SLC9A4: variants seen among roughly 807,000 people sequenced by gnomAD.
SLC9A4 encodes the protein sodium/hydrogen exchanger 4.
In SLC9A4, 63 loss-of-function variants were observed where a neutral mutation model predicts 67.4. The ratio of observed to expected loss-of-function variants is 0.93; its 90% CI spans 0.76 to 1.15. SLC9A4 has a LOEUF of 1.15. SLC9A4 is among the 50% of genes most tolerant of loss of function. The probability of loss-of-function intolerance (pLI) is 0.00; values close to 1 mark genes in which losing one functional copy is unlikely to be tolerated. For missense variants in SLC9A4, 1,089 were observed against 987.7 expected, an observed-to-expected ratio of 1.10 and a Z score of -1.38; for synonymous variants, 393 against 367.2, an observed-to-expected ratio of 1.07 and a Z score of -0.80.
chr2:102,496,938 A>G (rs967859043), intron 2 of SLC9A4, among the ~76,000 whole-genome samples: 1 of 152,048 alleles, frequency 6.6e-6, no homozygotes, highest in Non-Finnish European at 1.5e-5. Context: ...TTTTTAATCT[A>G]TTTTTGAGAG....
intron 8 of SLC9A4, among the ~76,000 whole-genome samples, chr2:102,516,243 T>C (rs1376511198): frequency 6.6e-6 from 1 of 152,214 alleles, no homozygotes; most frequent in South Asian, 2.1e-4. Context: ...TGAGACAGCC[T>C]TATAGGTACG....
chr2:102,507,007 G>A (rs1325166311), intron 4 of SLC9A4, among the ~76,000 whole-genome samples: 1 of 152,060 alleles, frequency 6.6e-6, no homozygotes, highest in African/African-American at 2.4e-5. Context: ...TCACACTCGC[G>A]AAGGCTTGCT....
intron 10 of SLC9A4, 26 bp from the exon 11 acceptor site, chr2:102,526,233 T>C: frequency 6.2e-7 from 1 of 1,608,862 alleles, no homozygotes; most frequent in Non-Finnish European, 8.5e-7. Flanking sequence ...CTTATTCTGC[T>C]TTTTCTTTCT....
In SLC9A4 at chr2:102,514,266, T is replaced by C. The variant is rs1558670065; in HGVS notation, c.1721+15T>C. On this transcript the variant is annotated intron_variant, in intron 8 of 11. Transcript: ENST00000295269. ...ATACCCCATCAGTGAGTCATATCTGTTCTTTGTTCTAAACTTTCACTGTCA... is the reference window on the plus strand; with the variant it reads ...ATACCCCATCAGTGAGTCATATCTGCTCTTTGTTCTAAACTTTCACTGTCA... 3.2e-6 allele frequency: 5 copies of C among 1,579,918 alleles called. No individual in the cohort carries two copies. In the African/African-American group the frequency reaches 5.4e-5, roughly 17 times the overall value.
chr2:102,482,041 A>G (rs1301717593), intron 2 of SLC9A4, among the ~76,000 whole-genome samples: 1 of 152,182 alleles, frequency 6.6e-6, no homozygotes, highest in African/African-American at 2.4e-5. Context: ...CATAGCGAGA[A>G]TCCCTAACTT....
At position 102,532,521 on chromosome 2, in the gene SLC9A4, G is replaced by T; in HGVS notation, c.2230G>T (p.Ala744Ser). ...GTACTTGGGTGGAGTAAGGAGGGTG[G>T]CCTTAAGACCCAAACCTCTGTTTCA... ...EEYLGGVRRVALRPKPLFHAV... is the reference protein window; with the variant it reads ...EEYLGGVRRVSLRPKPLFHAV... Residue 744 changes from alanine to serine, a missense_variant, in exon 12 of 12, where the codon GCC (alanine) becomes TCC (serine). Ala to Ser is a moderately conservative substitution (Grantham distance 99). Transcript: ENST00000295269. The T allele has an allele frequency of 6.2e-7, 1 of 1,614,114 alleles. No homozygotes were observed. Among genetic ancestry groups the T allele is most frequent in the Non-Finnish European group, 8.5e-7 (1 of 1,179,988 alleles).
At chr2:102,513,233 G>A (rs11676371) in intron 7 of SLC9A4, among the ~76,000 whole-genome samples, 2 of 151,968 alleles carry the variant, frequency 1.3e-5, no homozygotes, top group South Asian at 2.1e-4. Context: ...GAGCCGAGCT[G>A]GGACAGCAAA....
chr2:102,514,217 A>G lies in SLC9A4; in HGVS notation c.1687A>G (p.Ile563Val), dbSNP rs375740273. The G allele has an allele frequency of 7.4e-6, 12 of 1,613,970 alleles. No homozygotes were observed. Among genetic ancestry groups the G allele is most frequent in the Non-Finnish European group, 1.0e-5 (12 of 1,179,980 alleles). Residue 563 changes from isoleucine (I) to valine (V), a missense_variant, in exon 8 of 12, where the codon ATA becomes GTA. Physicochemically the swap from Ile to Val is conservative, Grantham distance 29. Coordinates refer to ENST00000295269, the MANE Select transcript of SLC9A4 (RefSeq NM_001011552.4). Reference sequence around the variant, plus strand: ...AGCCATCGAGATGGTGGAGACTGGGATACTGAGCTCTACAGCTTTCTCCAT... The same window carrying G: ...AGCCATCGAGATGGTGGAGACTGGGGTACTGAGCTCTACAGCTTTCTCCAT... ...KQAIEMVETG[I>V]LSSTAFSIPH...
chr2:102,530,138 G>C (rs960162028), intron 11 of SLC9A4, among the ~76,000 whole-genome samples: 1 of 152,168 alleles, frequency 6.6e-6, no homozygotes, highest in African/African-American at 2.4e-5. Flanking sequence ...AAATGTGGAG[G>C]TGGGGAGTGT....
intron 8 of SLC9A4, among the ~76,000 whole-genome samples, chr2:102,519,228 G>T (rs1380957373): frequency 6.6e-6 from 1 of 152,124 alleles, no homozygotes; most frequent in African/African-American, 2.4e-5. Context: ...GGTATAAATG[G>T]TCTAATTGCC....
At chr2:102,489,712 A>C (rs1684658816) in intron 2 of SLC9A4, among the ~76,000 whole-genome samples, 1 of 152,198 alleles carries the variant, frequency 6.6e-6, no homozygotes, top group Non-Finnish European at 1.5e-5. Context: ...AACCCCATGA[A>C]CATGGATGAA....
chr2:102,492,324 C>T (rs1056077220), intron 2 of SLC9A4, among the ~76,000 whole-genome samples: 2 of 152,274 alleles, frequency 1.3e-5, no homozygotes, highest in African/African-American at 2.4e-5. Flanking sequence ...ACTGTCCTAG[C>T]TGAAGTTCTC....
In SLC9A4 at chr2:102,479,374, G is replaced by A. The variant is rs367687646; in HGVS notation, c.720+72G>A. 3.8e-5 allele frequency: 55 copies of A among 1,462,968 alleles called. No homozygotes were observed. The South Asian group carries it at 3.8e-4, about 10-fold the overall frequency. 90.6% of individuals were successfully genotyped at this position (1,462,968 alleles called of 1,614,324 possible). A position where few individuals can be genotyped will look rare whatever the true frequency, so the allele number is the denominator to read the frequency against. On this transcript the variant is annotated intron_variant, in intron 2 of 11. Transcript: ENST00000295269. ...GGGGTGGGGCTGGGGACCGGAGGCT[G>A]TGGAGACGGCTCCAGTGTGGCTCAG... is the stretch of plus-strand genomic sequence containing the variant.
chr2:102,514,003 G>A (rs1685221711), intron 7 of SLC9A4, 87 bp from the exon 8 acceptor site: 3 of 1,506,778 alleles, frequency 2.0e-6, no homozygotes, highest in Non-Finnish European at 8.9e-7. Flanking sequence ...AAGTTAAGTA[G>A]TAAGTAGTTT....
chr2:102,505,198 T>C, intron 3 of SLC9A4, 56 bp from the exon 4 acceptor site: 1 of 1,551,552 alleles, frequency 6.4e-7, no homozygotes, highest in Non-Finnish European at 8.8e-7. Context: ...GGGGAGGGCG[T>C]TTTGTGGAGG....
intron 8 of SLC9A4, among the ~76,000 whole-genome samples, chr2:102,516,191 C>T (rs564781078): frequency 4.9e-4 from 75 of 152,116 alleles, no homozygotes; most frequent in African/African-American, 1.8e-3. Context: ...GGGGGCCTGC[C>T]GGTTAAGTCA....
intron 7 of SLC9A4, 43 bp downstream of exon 7, chr2:102,512,316 G>T (rs1453314107): frequency 1.1e-5 from 18 of 1,597,932 alleles, no homozygotes; most frequent in African/African-American, 2.7e-5. Flanking sequence ...ACTTCTAAAG[G>T]TTCCATTGGA....
intron 9 of SLC9A4, among the ~76,000 whole-genome samples, chr2:102,521,006 G>T (rs1024491292): frequency 1.3e-5 from 2 of 152,208 alleles, no homozygotes; most frequent in East Asian, 3.8e-4. Context: ...ATGGTAGTGC[G>T]CTTAGAGTAA....
At chr2:102,523,439 C>T (rs1166458372) in intron 9 of SLC9A4, among the ~76,000 whole-genome samples, 1 of 152,202 alleles carries the variant, frequency 6.6e-6, no homozygotes, top group Non-Finnish European at 1.5e-5. Context: ...ATGCCATTGT[C>T]AATCCCTTGT....
Sources: gnomAD v4.1 joint callset for allele counts (sites outside exome capture counted in the v4.1 genomes callset) on GRCh38, gnomAD v4.1.1 for gene constraint, MANE v1.5 for transcripts, NCBI Gene and HGNC (gene_info 2026-07-23, HGNC 2026-07-21) for gene names.